ATOX1: variants seen among roughly 807,000 people sequenced by gnomAD.
ATOX1 encodes the protein copper transport protein ATOX1.
ATOX1 carries 4 observed loss-of-function variants against 7.3 expected under a neutral mutation model. The ratio of observed to expected loss-of-function variants is 0.55; its 90% confidence interval spans 0.27 to 1.25. ATOX1 has a LOEUF of 1.25. Ranked by LOEUF, ATOX1 falls within the 50% of genes most tolerant of loss-of-function variation. The pLI is 0.12. For synonymous variants in ATOX1, 25 were observed against 28.7 expected, an observed-to-expected ratio of 0.87 and a Z score of 0.41; for missense variants, 68 against 81.6, an observed-to-expected ratio of 0.83 and a Z score of 0.64.
chr5:151,750,577 AAAG>A (rs1761935824), intron 2 of ATOX1, among the ~76,000 whole-genome samples: 1 of 149,952 alleles, frequency 6.7e-6, no homozygotes, highest in Non-Finnish European at 1.5e-5. Flanking sequence ...TTTTTGAAGT[AAAG>A]AAACAGAAAA....
At chr5:151,756,061 A>G in intron 1 of ATOX1, among the ~76,000 whole-genome samples, 1 of 149,222 alleles carries the variant, frequency 6.7e-6, no homozygotes, top group East Asian at 2.0e-4. Flanking sequence ...CCTGCCTCAG[A>G]CTCCCGAGTA....
At chr5:151,750,560 A>AT (rs898074664) in intron 2 of ATOX1, among the ~76,000 whole-genome samples, 74 of 145,970 alleles carry the variant, frequency 5.1e-4, no homozygotes, top group South Asian at 1.3e-3. Context: ...ATTAATTTAA[A>AT]TTTTTTTTTT....
chr5:151,750,644 C>CTTTTT (rs34586233), intron 2 of ATOX1, among the ~76,000 whole-genome samples: 401 of 100,244 alleles, frequency 4.0e-3, no homozygotes, highest in East Asian at 1.0e-2. Flanking sequence ...TTTTTTCTTT[C>CTTTTT]TTTTTTTTTT....
intron 1 of ATOX1, chr5:151,752,383 G>A (rs1158929253): frequency 1.4e-6 from 1 of 697,806 alleles, no homozygotes; most frequent in East Asian, 2.7e-5. Context: ...GGGTTCCCCA[G>A]TGGGTTGGAG....
chr5:151,746,249 T>A (rs1266418630), intron 3 of ATOX1, 30 bp downstream of exon 3: 9 of 1,581,536 alleles, frequency 5.7e-6, no homozygotes, highest in Non-Finnish European at 7.7e-6. Flanking sequence ...AGCTGTAGGT[T>A]TGTTCAGCAA....
chr5:151,748,727 G>A (rs751362331), intron 2 of ATOX1, among the ~76,000 whole-genome samples: 1 of 152,120 alleles, frequency 6.6e-6, no homozygotes, highest in African/African-American at 2.4e-5. Flanking sequence ...CTCAGTGTGT[G>A]GCATGTGCCT....
At chr5:151,754,360 A>G (rs748265822) in intron 1 of ATOX1, among the ~76,000 whole-genome samples, 1 of 152,134 alleles carries the variant, frequency 6.6e-6, no homozygotes, top group Non-Finnish European at 1.5e-5. Context: ...TATAATCTCA[A>G]CACTTTGGGA....
chr5:151,743,761 A>T (rs1561520227), intron 3 of ATOX1: 1 of 152,196 alleles, frequency 6.6e-6, no homozygotes, highest in Non-Finnish European at 1.5e-5. Context: ...ATAGCTCCAG[A>T]AGAGTTTTTT....
At chr5:151,756,075 G>A (rs1232089232) in intron 1 of ATOX1, among the ~76,000 whole-genome samples, 2 of 151,624 alleles carry the variant, frequency 1.3e-5, no homozygotes, top group Admixed American at 1.3e-4. Context: ...CCGAGTAGCT[G>A]GGACTACAGG....
intron 1 of ATOX1, among the ~76,000 whole-genome samples, chr5:151,755,849 G>T (rs1036396302): frequency 1.4e-4 from 21 of 151,990 alleles, no homozygotes; most frequent in African/African-American, 5.1e-4. Context: ...CATGGCCTCT[G>T]GGGTCTTTTA....
chr5:151,744,193 T>A (rs180723992), intron 3 of ATOX1: 47 of 152,208 alleles, frequency 3.1e-4, no homozygotes, highest in African/African-American at 1.1e-3. Context: ...ACAGGGTGTG[T>A]TTCTGAGATG....
chr5:151,756,427 T>C (rs1188190998), intron 1 of ATOX1, among the ~76,000 whole-genome samples: 2 of 142,602 alleles, frequency 1.4e-5, no homozygotes. Context: ...TCTTCTCTTC[T>C]CTTCTTTCTT....
intron 1 of ATOX1, chr5:151,752,184 C>G: frequency 1.4e-6 from 1 of 696,040 alleles, no homozygotes; most frequent in Non-Finnish European, 2.6e-6. Flanking sequence ...CTGGTGGGCC[C>G]ACTTATGAAC....
intron 1 of ATOX1, chr5:151,753,803 A>C (rs568484057): frequency 1.3e-5 from 2 of 152,346 alleles, no homozygotes; most frequent in East Asian, 3.9e-4. Context: ...AACGGGAGGC[A>C]AAACTACAAA....
At chr5:151,748,493 A>G (rs1255319152) in intron 2 of ATOX1, among the ~76,000 whole-genome samples, 1 of 152,114 alleles carries the variant, frequency 6.6e-6, no homozygotes, top group Non-Finnish European at 1.5e-5. Flanking sequence ...AGGCCACCCA[A>G]GCAGGGACAG....
intron 1 of ATOX1, chr5:151,752,025 C>T (rs1761957273): frequency 3.3e-6 from 2 of 598,218 alleles, no homozygotes; most frequent in Non-Finnish European, 5.9e-6. Flanking sequence ...GTGTCTGGCA[C>T]ATAGTAAATA....
chr5:151,753,632 A>C (rs1761977967), intron 1 of ATOX1, among the ~76,000 whole-genome samples: 1 of 152,116 alleles, frequency 6.6e-6, no homozygotes, highest in African/African-American at 2.4e-5. Context: ...CCTAATCTAT[A>C]CCAAAAGGGT....
chr5:151,744,741 C>G (rs747598257), intron 3 of ATOX1: 15 of 152,112 alleles, frequency 9.9e-5, no homozygotes, highest in Non-Finnish European at 1.6e-4. Context: ...ATGGAGGGTC[C>G]AAAGCCCCAT....
At chr5:151,750,552 T>A in intron 2 of ATOX1, among the ~76,000 whole-genome samples, 1 of 150,488 alleles carries the variant, frequency 6.6e-6, no homozygotes. Context: ...GATTCAAAAT[T>A]AATTTAAATT....
Sources: allele counts gnomAD v4.1 joint callset (sites outside exome capture counted in the v4.1 genomes callset), GRCh38; gene constraint gnomAD v4.1.1; transcripts MANE v1.5; gene names NCBI Gene and HGNC (gene_info 2026-07-23, HGNC 2026-07-21).